The following PDK3 variants were observed in gnomAD, a reference collection of about 807,000 sequenced individuals.
The protein encoded by PDK3 is pyruvate dehydrogenase kinase 3.
PDK3 carries 12 observed loss-of-function variants against 32.0 expected under a neutral mutation model. The observed-to-expected ratio is 0.37, with a 90% CI of 0.24 to 0.61. PDK3 has a LOEUF of 0.61. PDK3 is among the 20% of genes least tolerant of loss of function. The probability of loss-of-function intolerance (pLI) is 0.65; values close to 1 mark genes in which losing one functional copy is unlikely to be tolerated. For missense variants in PDK3, 188 were observed against 316.9 expected (o/e 0.59, Z 3.09); for synonymous variants, 122 against 116.3 (o/e 1.05, Z -0.31).
chrX:24,477,905 A>G (rs1418409709), intron 1 of PDK3, among the ~76,000 whole-genome samples: 1 of 112,015 alleles, frequency 8.9e-6, no homozygotes, highest in Non-Finnish European at 1.9e-5. Context: ...CAACATGGCA[A>G]CTTTTCTGAT....
At chrX:24,523,080 G>A (rs1000750867) in intron 6 of PDK3, among the ~76,000 whole-genome samples, 19 of 111,625 alleles carry the variant, frequency 1.7e-4, no homozygotes, top group Admixed American at 2.9e-4. Flanking sequence ...ATTTCTCATG[G>A]TTCTGGAGGC....
chrX:24,547,582 C>CA (rs1205180108), exon 12 of PDK3: 2 of 112,298 alleles, frequency 1.8e-5, no homozygotes, highest in African/African-American at 6.5e-5. Flanking sequence ...CTTTAATTTA[C>CA]ATAGAGACGT....
At chrX:24,517,933 C>T (rs1360148561) in intron 5 of PDK3, among the ~76,000 whole-genome samples, 1 of 112,065 alleles carries the variant, frequency 8.9e-6, no homozygotes, top group Non-Finnish European at 1.9e-5. Flanking sequence ...CAAATACTTA[C>T]TGAGGTTTCA....
At chrX:24,517,310 C>T (rs1602121195) in intron 5 of PDK3, among the ~76,000 whole-genome samples, 1 of 111,107 alleles carries the variant, frequency 9.0e-6, no homozygotes, top group East Asian at 2.8e-4. Context: ...GCAACCTCCA[C>T]CTCCTGGGTT....
chrX:24,478,164 G>A (rs1210886188), intron 1 of PDK3, among the ~76,000 whole-genome samples: 1 of 111,625 alleles, frequency 9.0e-6, no homozygotes, highest in African/African-American at 3.3e-5. Flanking sequence ...TGGCATTGAG[G>A]CCGGGCATGG....
intron 1 of PDK3, among the ~76,000 whole-genome samples, chrX:24,490,451 A>C (rs1424746413): frequency 2.7e-5 from 3 of 111,513 alleles, no homozygotes; most frequent in Non-Finnish European, 5.6e-5. Context: ...GAACTTCAGC[A>C]CCTGACCTTT....
At chrX:24,522,675 G>A (rs1479574814) in intron 6 of PDK3, among the ~76,000 whole-genome samples, 1 of 111,090 alleles carries the variant, frequency 9.0e-6, no homozygotes, top group African/African-American at 3.3e-5. Context: ...GGAGGCCGAG[G>A]TGGGCGGATC....
chrX:24,480,253 TTGTG>T (rs1181304987), intron 1 of PDK3, among the ~76,000 whole-genome samples: 1 of 112,402 alleles, frequency 8.9e-6, no homozygotes, highest in Non-Finnish European at 1.9e-5. Flanking sequence ...ACAAAGATGT[TTGTG>T]ATCAGTTTCC....
chrX:24,498,221 A>T (rs1921763926), intron 2 of PDK3, among the ~76,000 whole-genome samples: 1 of 111,751 alleles, frequency 8.9e-6, no homozygotes, highest in African/African-American at 3.3e-5. Context: ...ATAAGTTAGG[A>T]TATGTCTGTT....
chrX:24,480,443 A>C (rs765203622), intron 1 of PDK3, among the ~76,000 whole-genome samples: 1 of 112,257 alleles, frequency 8.9e-6, no homozygotes, highest in Non-Finnish European at 1.9e-5. Context: ...CTGGCTGCTC[A>C]TGAGAATTGT....
Position 24,505,310 on chromosome X carries a change from G to T in PDK3, c.595+12G>T. 1 of 1,119,138 alleles carries T rather than the reference G, an allele frequency of 8.9e-7. No homozygotes were observed. Among genetic ancestry groups the T allele is most frequent in the Non-Finnish European group, 1.2e-6 (1 of 814,377 alleles). The allele number at this position is 1,119,138 out of a possible 1,213,427, so 92.2% of individuals were successfully genotyped here. ...GGATGTGGTGAAAGGTAAGGAGACCGTTGTAATGGTATCGATCGTAGTTCA... is the reference window on the plus strand; with the variant it reads ...GGATGTGGTGAAAGGTAAGGAGACCTTTGTAATGGTATCGATCGTAGTTCA... On this transcript the variant is annotated intron_variant, in intron 5 of 10. Transcript: ENST00000379162.
intron 1 of PDK3, among the ~76,000 whole-genome samples, chrX:24,487,580 A>G (rs1921435518): frequency 8.9e-6 from 1 of 112,024 alleles, no homozygotes; most frequent in Non-Finnish European, 1.9e-5. Flanking sequence ...TGGGAAAAGT[A>G]CATTGCCAAC....
intron 1 of PDK3, among the ~76,000 whole-genome samples, chrX:24,491,278 C>CA (rs55876160): frequency 1.0e-3 from 69 of 68,695 alleles, no homozygotes; most frequent in East Asian, 2.8e-3. Flanking sequence ...GACCCTGTCT[C>CA]AAAAAAAAAA....
exon 12 of PDK3, among the ~76,000 whole-genome samples, chrX:24,544,450 C>T (rs1922954611): frequency 8.9e-6 from 1 of 111,778 alleles, no homozygotes; most frequent in Non-Finnish European, 1.9e-5. Context: ...GGGATGAACA[C>T]ACATGGTTCA....
exon 12 of PDK3, among the ~76,000 whole-genome samples, chrX:24,542,856 G>T (rs1365185594): frequency 8.9e-6 from 1 of 112,319 alleles, no homozygotes; most frequent in African/African-American, 3.2e-5. Context: ...GGGTTTTCTT[G>T]CATATTTACA....
chrX:24,509,894 G>A (rs1451974283), intron 5 of PDK3, among the ~76,000 whole-genome samples: 2 of 112,093 alleles, frequency 1.8e-5, no homozygotes, highest in African/African-American at 6.5e-5. Flanking sequence ...AGCCCTTGGT[G>A]TAAGTTATAC....
chrX:24,532,091 C>T (rs1030745385), intron 10 of PDK3, among the ~76,000 whole-genome samples: 2 of 110,654 alleles, frequency 1.8e-5, no homozygotes, highest in African/African-American at 6.6e-5. Flanking sequence ...CATGGTGAAA[C>T]CCCATGTCTA....
downstream of PDK3, among the ~76,000 whole-genome samples, chrX:24,534,949 C>A (rs1234890680): frequency 8.9e-6 from 1 of 111,764 alleles, no homozygotes; most frequent in African/African-American, 3.3e-5. Context: ...CAGAATAAGA[C>A]CGTGTCTCAA....
intron 1 of PDK3, among the ~76,000 whole-genome samples, chrX:24,490,789 CCACCTCA>C (rs1036631586): frequency 1.8e-5 from 2 of 111,397 alleles, no homozygotes; most frequent in African/African-American, 6.5e-5. Context: ...CTGACTATGG[CCACCTCA>C]CACCTGCCAG....
Sources: gnomAD v4.1 joint callset for allele counts (sites outside exome capture counted in the v4.1 genomes callset) on GRCh38, gnomAD v4.1.1 for gene constraint, MANE v1.5 for transcripts, NCBI Gene and HGNC (gene_info 2026-07-23, HGNC 2026-07-21) for gene names.